Variants in TACR3 observed in about 807,000 individuals in gnomAD.
TACR3 encodes neuromedin-K receptor.
Under a neutral mutation model 35.0 loss-of-function variants are expected in TACR3, and 34 were observed. The observed-to-expected ratio is 0.97, with a 90% CI of 0.74 to 1.30. The LOEUF (loss-of-function observed/expected upper bound fraction) is 1.30, where lower values mean the gene tolerates loss of function less well. TACR3 is among the 50% of genes most tolerant of loss of function. TACR3 has a pLI of 0.00. For missense variants in TACR3, 558 were observed against 591.7 expected, an observed-to-expected ratio of 0.94 and a Z score of 0.59; for synonymous variants, 233 against 221.1, an observed-to-expected ratio of 1.05 and a Z score of -0.48.
intron 3 of TACR3, among the ~76,000 whole-genome samples, chr4:103,617,255 A>AG (rs75828746): frequency 6.6e-6 from 1 of 152,134 alleles, no homozygotes; most frequent in African/African-American, 2.4e-5. Flanking sequence ...AAAGTTAGTT[A>AG]TAATGAGTTA....
chr4:103,654,307 A>G (rs9997765), intron 3 of TACR3, among the ~76,000 whole-genome samples: 61,007 of 150,320 alleles, frequency 0.41, 14,315 homozygotes, highest in African/African-American at 0.66. Context: ...CAAATGTCCA[A>G]CAACGATAGA....
intron 1 of TACR3, among the ~76,000 whole-genome samples, chr4:103,708,246 C>T (rs1343516644): frequency 1.3e-5 from 2 of 152,158 alleles, no homozygotes; most frequent in Admixed American, 1.3e-4. Flanking sequence ...ATGGGAGGTA[C>T]CCCTCCAGTA....
intron 3 of TACR3, among the ~76,000 whole-genome samples, chr4:103,602,583 T>A (rs1382794671): frequency 6.6e-6 from 1 of 152,200 alleles, no homozygotes; most frequent in Non-Finnish European, 1.5e-5. Flanking sequence ...ATGTCCTTTC[T>A]GTTTGTTAGT....
intron 3 of TACR3, among the ~76,000 whole-genome samples, chr4:103,607,860 C>G (rs1414214650): frequency 3.3e-5 from 5 of 152,056 alleles, no homozygotes; most frequent in Non-Finnish European, 5.9e-5. Flanking sequence ...ATAACGTGGT[C>G]AGAAACATCA....
At chr4:103,669,856 C>G (rs1726017878) in intron 1 of TACR3, among the ~76,000 whole-genome samples, 1 of 151,642 alleles carries the variant, frequency 6.6e-6, no homozygotes, top group African/African-American at 2.4e-5. Flanking sequence ...CTTTGATTGC[C>G]TGTGCTTTTG....
At chr4:103,670,189 A>G (rs932292165) in intron 1 of TACR3, among the ~76,000 whole-genome samples, 1 of 152,036 alleles carries the variant, frequency 6.6e-6, no homozygotes, top group Non-Finnish European at 1.5e-5. Flanking sequence ...CCATTCGTCT[A>G]TGTGTCTGTT....
At chr4:103,667,084 C>A (rs907851137) in intron 1 of TACR3, among the ~76,000 whole-genome samples, 3 of 151,988 alleles carry the variant, frequency 2.0e-5, no homozygotes, top group Admixed American at 6.6e-5. Flanking sequence ...ATGTTGAAAC[C>A]CCTTCTCTAC....
At chr4:103,656,122 A>G (rs1725728843) in intron 3 of TACR3, 72 bp downstream of exon 3, 12 of 1,553,148 alleles carry the variant, frequency 7.7e-6, no homozygotes, top group South Asian at 1.1e-5. Flanking sequence ...TTAACATGCC[A>G]TGACTAGATT....
At chr4:103,598,667 C>T (rs1724104747) in intron 3 of TACR3, among the ~76,000 whole-genome samples, 1 of 152,182 alleles carries the variant, frequency 6.6e-6, no homozygotes, top group African/African-American at 2.4e-5. Context: ...CAGCTTTCTA[C>T]ATATGGCTAG....
chr4:103,601,431 A>T (rs1231950831), intron 3 of TACR3, among the ~76,000 whole-genome samples: 2 of 152,120 alleles, frequency 1.3e-5, no homozygotes, highest in African/African-American at 4.8e-5. Context: ...TGTCATTATG[A>T]TGTTAGCTGG....
At position 103,606,644 on chromosome 4, in the gene TACR3, A is replaced by C. The variant is rs577554607; in HGVS notation, c.889-14961T>G. Among the ~76,000 whole-genome samples, 6 of 152,224 alleles carry C rather than the reference A, an allele frequency of 3.9e-5. No individual in the cohort carries two copies. The East Asian group carries it at 1.2e-3, about 29-fold the overall frequency. On this transcript the variant is annotated intron_variant, in intron 3 of 4. Coordinates refer to ENST00000304883, the MANE Select transcript of TACR3 (RefSeq NM_001059.3). ...CTCTGTCTGTTGTTGGTGTATAAGA[A>C]TGCTTGTGATTTTTGTACATTGATT...
Position 103,719,691 on chromosome 4 carries a change from G to C in TACR3, c.-16C>G, listed in dbSNP as rs200853148. The C allele has an allele frequency of 2.5e-6, 4 of 1,606,062 alleles. No homozygotes were observed. Among genetic ancestry groups the C allele is most frequent in the Non-Finnish European group, 3.4e-6 (4 of 1,179,982 alleles). On this transcript the variant is annotated 5_prime_UTR_variant, in exon 1 of 5. Coordinates refer to ENST00000304883, the MANE Select transcript of TACR3 (RefSeq NM_001059.3). ...GAGTGGCCATCGCCACCGGTCTGCA[G>C]TCCCGGACCCTCCCACTCACCCACG... is the stretch of plus-strand genomic sequence containing the variant.
chr4:103,646,050 G>A (rs902849919), intron 3 of TACR3, among the ~76,000 whole-genome samples: 5 of 151,940 alleles, frequency 3.3e-5, no homozygotes, highest in African/African-American at 1.2e-4. Context: ...TTAATAGTCT[G>A]TCTGTATCTA....
intron 3 of TACR3, among the ~76,000 whole-genome samples, chr4:103,645,158 T>C (rs1468501962): frequency 6.6e-6 from 1 of 151,966 alleles, no homozygotes; most frequent in Non-Finnish European, 1.5e-5. Flanking sequence ...TACTGCACAA[T>C]GAGCTGTCTC....
rs1430858308 is a variant in TACR3 at position 103,589,752 on chromosome 4, T to A, written c.1328A>T (p.Asn443Ile). Residue 443 changes from asparagine to isoleucine, a missense_variant, in exon 5 of 5, where the codon AAT becomes ATT. Coordinates refer to ENST00000304883, the MANE Select transcript of TACR3 (RefSeq NM_001059.3). ...TGAAGTGGCGGAGGCAGATTTGGAA[T>A]TCCTGCGAGAGCAGCCATTGAAACT... ...DPSFNGCSRR[N>I]SKSASATSSF... 1.2e-6 allele frequency: 2 copies of A among 1,613,988 alleles called. No homozygotes were observed. Among genetic ancestry groups the A allele is most frequent in the Admixed American group, 3.3e-5 (2 of 59,996 alleles).
chr4:103,709,692 A>G (rs1342613103), intron 1 of TACR3, among the ~76,000 whole-genome samples: 1 of 152,216 alleles, frequency 6.6e-6, no homozygotes, highest in East Asian at 1.9e-4. Flanking sequence ...AAATGCTCCA[A>G]TTAAAAGACA....
intron 1 of TACR3, among the ~76,000 whole-genome samples, chr4:103,715,554 G>C (rs1191169114): frequency 1.3e-5 from 2 of 152,038 alleles, no homozygotes; most frequent in Non-Finnish European, 2.9e-5. Flanking sequence ...TATCTTTATA[G>C]CAATGTGAGA....
intron 1 of TACR3, among the ~76,000 whole-genome samples, chr4:103,663,531 AGGGAAG>A: frequency 6.8e-6 from 1 of 147,568 alleles, no homozygotes; most frequent in African/African-American, 2.7e-5. Flanking sequence ...GAATGGAAGC[AGGGAAG>A]TAAGTTATCT....
At chr4:103,649,543 G>A (rs1332226784) in intron 3 of TACR3, among the ~76,000 whole-genome samples, 1 of 151,624 alleles carries the variant, frequency 6.6e-6, no homozygotes, top group Non-Finnish European at 1.5e-5. Context: ...TTTTTCTTTT[G>A]TTTCCTCTTA....
Sources: gnomAD v4.1 joint callset for allele counts (sites outside exome capture counted in the v4.1 genomes callset) on GRCh38, gnomAD v4.1.1 for gene constraint, MANE v1.5 for transcripts, NCBI Gene and HGNC (gene_info 2026-07-23, HGNC 2026-07-21) for gene names.